The following TJP3 variants were observed in gnomAD, a reference collection of about 807,000 sequenced individuals.
The protein encoded by TJP3 is tight junction protein ZO-3.
TJP3 carries 85 observed loss-of-function variants against 104.2 expected under a neutral mutation model. That is an observed-to-expected ratio of 0.82 (90% confidence interval 0.68 to 0.98). TJP3 has a LOEUF of 0.98. Ranked by LOEUF, TJP3 falls within the 50% of genes least tolerant of loss-of-function variation. TJP3 has a pLI of 0.00. For missense variants in TJP3, 1,367 were observed against 1,322.8 expected (o/e 1.03, Z -0.52); for synonymous variants, 550 against 550.6 (o/e 1.00, Z 0.02).
In TJP3 at chr19:3,746,871, G is replaced by C; in HGVS notation, c.2317G>C (p.Asp773His). Residue 773 changes from aspartate to histidine, a missense_variant, in exon 18 of 21, where the codon GAT becomes CAT. Asp to His is a moderately conservative substitution (Grantham distance 81). Coordinates refer to ENST00000541714, the MANE Select transcript of TJP3 (RefSeq NM_001267560.2). The surrounding 1 kb of genome is among the most constrained non-coding windows in gnomAD (Gnocchi z 4.1). ...QQTRPIWTAE[D>H]QLDGSLEDNL... The stretch of plus-strand genomic sequence containing the variant: ...GACGCGGCCCATCTGGACGGCGGAA[G>C]ATCAGGTACTGCCGCGGTGTGGGTG... 1 of 1,506,986 alleles carries C rather than the reference G, an allele frequency of 6.6e-7. No individual in the cohort carries two copies. The highest frequency in any genetic ancestry group is 1.8e-5 in the Admixed American group (1 of 56,654). 93.4% of individuals were successfully genotyped at this position (1,506,986 alleles called of 1,614,324 possible).
chr19:3,745,996 C>A lies in TJP3; in HGVS notation c.1940-15C>A, dbSNP rs768613485. 6.3e-7 allele frequency: 1 copy of A among 1,592,568 alleles called. No homozygotes were observed. The highest frequency in any genetic ancestry group is 1.1e-5 in the South Asian group (1 of 87,840). On this transcript the variant is annotated splice_polypyrimidine_tract_variant and intron_variant, in intron 15 of 20. Transcript: ENST00000541714. The stretch of plus-strand genomic sequence containing the variant: ...CTGCCCTCCTGAAGCTGCTGGTCCT[C>A]TCTGCCGTCCACAGAGACTGTGTCC...
At chr19:3,720,901 C>CCTTTTCT (rs2036535038) in intron 1 of TJP3, among the ~76,000 whole-genome samples, 1 of 114,324 alleles carries the variant, frequency 8.7e-6, no homozygotes, top group Non-Finnish European at 1.7e-5. Context: ...CCTTCCTTTT[C>CCTTTTCT]TTTTTTTTTT....
chr19:3,722,872 A>AGG (rs2036557544), intron 1 of TJP3, among the ~76,000 whole-genome samples: 3 of 11,478 alleles, frequency 2.6e-4, no homozygotes, highest in African/African-American at 2.7e-4. Flanking sequence ...GGGGGGGCAC[A>AGG]GGGGACGGCG....
At chr19:3,739,803 C>G (rs527954166) in intron 13 of TJP3, among the ~76,000 whole-genome samples, 27 of 152,248 alleles carry the variant, frequency 1.8e-4, no homozygotes, top group South Asian at 1.0e-3. Flanking sequence ...CCTTCCTCCC[C>G]CTTCATAGCC....
intron 6 of TJP3, among the ~76,000 whole-genome samples, chr19:3,733,192 C>T (rs1379336058): frequency 2.0e-5 from 3 of 151,806 alleles, no homozygotes; most frequent in Non-Finnish European, 2.9e-5. Context: ...CCCACCACCA[C>T]GCCCTGCTAA....
chr19:3,715,396 G>C (rs2036468887), intron 1 of TJP3, among the ~76,000 whole-genome samples: 1 of 152,036 alleles, frequency 6.6e-6, no homozygotes, highest in South Asian at 2.1e-4. Flanking sequence ...GCCAAAAGCA[G>C]GTTTTTAATT....
intron 19 of TJP3, among the ~76,000 whole-genome samples, 184 bp downstream of exon 19, chr19:3,748,265 G>A (rs959659282): frequency 6.8e-6 from 1 of 146,658 alleles, no homozygotes; most frequent in Non-Finnish European, 1.5e-5. Flanking sequence ...GTAACTTGCA[G>A]CATTTTTTTT....
In TJP3 at chr19:3,746,638, C is replaced by T. The variant is rs571782628; in HGVS notation, c.2164C>T (p.Arg722Cys). 2.5e-5 allele frequency: 41 copies of T among 1,613,318 alleles called. No individual in the cohort carries two copies. In the Admixed American group the frequency reaches 4.2e-4, roughly 16 times the overall value. Residue 722 changes from arginine (R) to cysteine (C), a missense_variant, in exon 17 of 21, where the codon CGT becomes TGT. Coordinates refer to ENST00000541714, the MANE Select transcript of TJP3 (RefSeq NM_001267560.2). This position sits in a 1 kb window ranked among gnomAD's most constrained non-coding sequence, Gnocchi z 4.1. ...WLAPASRRST[R>C]RLYAQAQKLR... ...GGCGCCTGCCTCCCGCCGCAGCACC[C>T]GTCGCCTCTACGCACAAGCCCAGAA...
intron 1 of TJP3, among the ~76,000 whole-genome samples, chr19:3,724,356 C>T (rs2036576372): frequency 6.6e-6 from 1 of 152,130 alleles, no homozygotes; most frequent in Non-Finnish European, 1.5e-5. Flanking sequence ...CCACCACGCC[C>T]TGCTAATTTT....
At chr19:3,734,271 TGGGTCCA>T (rs777520507) in intron 7 of TJP3, 49 bp from the exon 8 acceptor site, 2 of 1,563,402 alleles carry the variant, frequency 1.3e-6, no homozygotes, top group Non-Finnish European at 8.8e-7. Flanking sequence ...CTCTGTAAAA[TGGGTCCA>T]GTCCAGAAGG....
At chr19:3,715,234 C>T (rs1444146985) in intron 1 of TJP3, among the ~76,000 whole-genome samples, 1 of 151,862 alleles carries the variant, frequency 6.6e-6, no homozygotes, top group Non-Finnish European at 1.5e-5. Context: ...GGACTACAGG[C>T]GCCCGCCACC....
intron 18 of TJP3, 119 bp from the exon 19 acceptor site, chr19:3,747,675 C>G: frequency 8.0e-7 from 1 of 1,247,304 alleles, no homozygotes; most frequent in Admixed American, 2.9e-5. Context: ...TCCACTGAGG[C>G]TCCAGGCTCC....
intron 1 of TJP3, among the ~76,000 whole-genome samples, chr19:3,724,441 T>C (rs7259384): frequency 0.59 from 89,195 of 152,170 alleles, 26,561 homozygotes; most frequent in Admixed American, 0.72. Context: ...GTGGTCTGCC[T>C]GCCTCAGCCT....
Position 3,746,770 on chromosome 19 carries a change from C to A in TJP3, c.2222-6C>A. On this transcript the variant is annotated splice_region_variant and splice_polypyrimidine_tract_variant and intron_variant, in intron 17 of 20. Coordinates refer to ENST00000541714, the MANE Select transcript of TJP3 (RefSeq NM_001267560.2). The surrounding 1 kb of genome is among the most constrained non-coding windows in gnomAD (Gnocchi z 4.1). ...TCCTGCACACACTGACGTCCCCTCC[C>A]TGCAGCCACCATCCCTCTGAATGGC... 1.2e-6 allele frequency: 2 copies of A among 1,606,252 alleles called. No individual in the cohort carries two copies. The highest frequency in any genetic ancestry group is 4.5e-5 in the East Asian group (2 of 44,642).
intron 1 of TJP3, among the ~76,000 whole-genome samples, chr19:3,725,920 C>T (rs903565176): frequency 6.6e-6 from 1 of 152,224 alleles, no homozygotes; most frequent in Non-Finnish European, 1.5e-5. Flanking sequence ...TGAGTCCAGT[C>T]CTGAGCGCTG....
At position 3,736,181 on chromosome 19, in the gene TJP3, C is replaced by G. The variant is rs759385307; in HGVS notation, c.1144C>G (p.Arg382Gly). Residue 382 changes from arginine to glycine, a missense_variant, in exon 11 of 21, where the codon CGT (arginine) becomes GGT (glycine). Transcript: ENST00000541714. Reference protein sequence around the residue: ...MEDRGYSPDTRVVRFLKGKSI... With the variant: ...MEDRGYSPDTGVVRFLKGKSI... ...CCCTTGCAGGTACAGCCCCGACACG[C>G]GTGTGGTCCGCTTCCTCAAGGGCAA... 3 of 1,596,446 alleles carry G rather than the reference C, an allele frequency of 1.9e-6. No homozygotes were observed. Among genetic ancestry groups the G allele is most frequent in the Non-Finnish European group, 2.6e-6 (3 of 1,171,646 alleles).
At chr19:3,723,418 C>T (rs2036563594) in intron 1 of TJP3, among the ~76,000 whole-genome samples, 1 of 152,148 alleles carries the variant, frequency 6.6e-6, no homozygotes, top group Non-Finnish European at 1.5e-5. Context: ...TCTCCTTTCA[C>T]AGCCTAAGAG....
At position 3,733,902 on chromosome 19, in the gene TJP3, G is replaced by A. The variant is rs760550339; in HGVS notation, c.867G>A (p.Ser289=). ...IPPAVSDSDS[S]PLEDISDLAS... ...CTGCTGTCAGTGACAGCGACAGCTC[G>A]CCATTGGAGGGTGAGGACCTAGAGG... The change falls in exon 7 of 21, where the codon TCG becomes TCA. Residue 289 remains serine (S), a synonymous_variant. Transcript: ENST00000541714. 5 of 1,613,970 alleles carry A rather than the reference G, an allele frequency of 3.1e-6. No individual in the cohort carries two copies. The highest frequency in any genetic ancestry group is 1.7e-5 in the Admixed American group (1 of 60,000).
chr19:3,719,013 G>A (rs138658645), intron 1 of TJP3, among the ~76,000 whole-genome samples: 1,806 of 150,146 alleles, frequency 0.012, 36 homozygotes, highest in African/African-American at 0.042. Flanking sequence ...GTGAAACCCC[G>A]TCTCTACTAA....
Sources: gnomAD v4.1 joint callset for allele counts (sites outside exome capture counted in the v4.1 genomes callset) on GRCh38, gnomAD v4.1.1 for gene constraint, Gnocchi (gnomAD v3.1) non-coding constraint, MANE v1.5 for transcripts, NCBI Gene and HGNC (gene_info 2026-07-23, HGNC 2026-07-21) for gene names.